The following PTBP2 variants were observed in gnomAD, a reference collection of about 807,000 sequenced individuals.
PTBP2 encodes polypyrimidine tract-binding protein 2.
A neutral mutation model predicts 61.4 loss-of-function variants in PTBP2; 13 were observed. The ratio of observed to expected loss-of-function variants is 0.21; its 90% confidence interval spans 0.14 to 0.34. PTBP2 has a LOEUF of 0.34. Among genes scored for constraint, PTBP2 ranks in the 10% least tolerant of loss-of-function variants. PTBP2 has a pLI of 1.00. For synonymous variants in PTBP2, 215 were observed against 218.5 expected (o/e 0.98, Z 0.14); for missense variants, 405 against 642.6 (o/e 0.63, Z 4.00).
chr1:96,799,296 T>C (rs1211613932), intron 8 of PTBP2, among the ~76,000 whole-genome samples: 5 of 131,596 alleles, frequency 3.8e-5, no homozygotes, highest in Non-Finnish European at 7.9e-5. Flanking sequence ...AGATCAAGCT[T>C]TTTTTTTTTT....
intron 5 of PTBP2, among the ~76,000 whole-genome samples, chr1:96,776,089 C>A (rs1235638507): frequency 2.0e-5 from 3 of 151,738 alleles, no homozygotes; most frequent in Non-Finnish European, 4.4e-5. Flanking sequence ...ATCTTTAATA[C>A]CACTTTTATA....
chr1:96,762,922 G>A (rs1190183452), intron 3 of PTBP2, among the ~76,000 whole-genome samples: 3 of 149,518 alleles, frequency 2.0e-5, no homozygotes, highest in African/African-American at 7.4e-5. Flanking sequence ...GGGTAGAGGC[G>A]CTCCTCACAT....
intron 8 of PTBP2, among the ~76,000 whole-genome samples, chr1:96,791,832 T>TTTGTTTTG (rs1346568221): frequency 2.3e-5 from 3 of 132,896 alleles, no homozygotes; most frequent in Non-Finnish European, 4.8e-5. Flanking sequence ...TGTGCTTTTT[T>TTTGTTTTG]TTTTTTTTTT....
chr1:96,731,631 T>G (rs1172182853), intron 2 of PTBP2, among the ~76,000 whole-genome samples: 1 of 152,170 alleles, frequency 6.6e-6, no homozygotes, highest in Non-Finnish European at 1.5e-5. Context: ...ATTTAGAATA[T>G]CCAAGTTTTT....
intron 2 of PTBP2, among the ~76,000 whole-genome samples, chr1:96,734,098 C>T (rs528642711): frequency 6.6e-5 from 10 of 152,210 alleles, no homozygotes; most frequent in Non-Finnish European, 8.8e-5. Context: ...AAAGTTATCA[C>T]GAGATTTTTT....
chr1:96,800,507 G>A (rs1474796338), intron 8 of PTBP2, among the ~76,000 whole-genome samples: 4 of 151,384 alleles, frequency 2.6e-5, no homozygotes, highest in South Asian at 2.1e-4. Flanking sequence ...CAAGGTGGGA[G>A]GATTGCTGGA....
exon 14 of PTBP2, chr1:96,821,422 G>A (rs1234799088): frequency 6.6e-6 from 1 of 151,676 alleles, no homozygotes; most frequent in South Asian, 2.1e-4. Flanking sequence ...GTTAAGAAGA[G>A]GTTGGTTTCA....
At chr1:96,769,678 A>AGTTT in intron 3 of PTBP2, 25 bp from the exon 4 acceptor site, 1 of 1,482,736 alleles carries the variant, frequency 6.7e-7, no homozygotes, top group Non-Finnish European at 9.0e-7. Flanking sequence ...TTGATATATA[A>AGTTT]GGACTGTTTT....
At chr1:96,765,190 C>T (rs1557727354) in intron 3 of PTBP2, among the ~76,000 whole-genome samples, 1 of 151,908 alleles carries the variant, frequency 6.6e-6, no homozygotes, top group East Asian at 1.9e-4. Context: ...TCTAAAACTG[C>T]TTAGAATTAA....
chr1:96,774,262 C>T (rs6698118), intron 5 of PTBP2, among the ~76,000 whole-genome samples: 2 of 151,872 alleles, frequency 1.3e-5, no homozygotes, highest in Admixed American at 6.6e-5. Flanking sequence ...ACTTTCTGTT[C>T]GTCTGTTTTT....
At chr1:96,815,129 T>C (rs1383634665), downstream of PTBP2, 2 of 152,382 alleles carry the variant, frequency 1.3e-5, no homozygotes, top group Non-Finnish European at 1.5e-5. Context: ...CACCCTGTTA[T>C]AATCTACTGC....
chr1:96,762,484 G>A (rs867119154), intron 3 of PTBP2, among the ~76,000 whole-genome samples: 3 of 108,532 alleles, frequency 2.8e-5, no homozygotes, highest in South Asian at 3.3e-4. Context: ...GCGGCTGGCC[G>A]GGCTGGGGGC....
chr1:96,801,419 GA>G (rs1234619753), intron 8 of PTBP2, among the ~76,000 whole-genome samples: 2 of 152,116 alleles, frequency 1.3e-5, no homozygotes, highest in Non-Finnish European at 2.9e-5. Flanking sequence ...GAGTTCCTGA[GA>G]TCTTCATAGG....
chr1:96,744,076 A>ATAGCTGGG (rs1166043771), intron 2 of PTBP2, among the ~76,000 whole-genome samples: 17 of 152,184 alleles, frequency 1.1e-4, no homozygotes, highest in African/African-American at 4.1e-4. Context: ...CTATAGTCCC[A>ATAGCTGGG]GCTACTCGGG....
intron 2 of PTBP2, among the ~76,000 whole-genome samples, chr1:96,725,697 T>C (rs1650342511): frequency 6.6e-6 from 1 of 152,276 alleles, no homozygotes; most frequent in Non-Finnish European, 1.5e-5. Flanking sequence ...TTTGCTTTGG[T>C]GTCAGGCCTG....
At chr1:96,822,347 A>ATT (rs1342931040) in exon 14 of PTBP2, 1 of 152,216 alleles carries the variant, frequency 6.6e-6, no homozygotes, top group Non-Finnish European at 1.5e-5. Flanking sequence ...AAGGACCAGA[A>ATT]TCAAGATTAC....
chr1:96,758,023 A>G (rs991061102), intron 3 of PTBP2, among the ~76,000 whole-genome samples: 8 of 152,230 alleles, frequency 5.3e-5, no homozygotes, highest in Admixed American at 2.0e-4. Context: ...CAAGGTCGAG[A>G]TAATCACTTT....
At chr1:96,800,366 A>T (rs1169254459) in intron 8 of PTBP2, among the ~76,000 whole-genome samples, 1 of 147,462 alleles carries the variant, frequency 6.8e-6, no homozygotes, top group Admixed American at 6.8e-5. Context: ...AAAGTACAAG[A>T]TTATTTAGTA....
intron 5 of PTBP2, among the ~76,000 whole-genome samples, chr1:96,774,256 T>C (rs1393950281): frequency 2.6e-5 from 4 of 152,176 alleles, no homozygotes; most frequent in African/African-American, 9.7e-5. Context: ...AACTAGACTT[T>C]CTGTTCGTCT....
Sources: allele counts gnomAD v4.1 joint callset (sites outside exome capture counted in the v4.1 genomes callset), GRCh38; gene constraint gnomAD v4.1.1; transcripts MANE v1.5; gene names NCBI Gene and HGNC (gene_info 2026-07-23, HGNC 2026-07-21).